ABHD17B: variants seen among roughly 807,000 people sequenced by gnomAD.
ABHD17B encodes abhydrolase domain containing 17B, depalmitoylase, also known as alpha/beta hydrolase domain-containing protein 17B.
A neutral mutation model predicts 26.2 loss-of-function variants in ABHD17B; 9 were observed. The observed-to-expected ratio is 0.34, with a 90% CI of 0.21 to 0.60. The LOEUF (loss-of-function observed/expected upper bound fraction) is 0.60. Ranked by LOEUF, ABHD17B falls within the 20% of genes least tolerant of loss-of-function variation. ABHD17B has a pLI of 0.80. For missense variants in ABHD17B, 224 were observed against 352.1 expected, an observed-to-expected ratio of 0.64 and a Z score of 2.91; for synonymous variants, 127 against 122.3, an observed-to-expected ratio of 1.04 and a Z score of -0.25.
In ABHD17B at chr9:71,874,787, A is replaced by T. The variant is rs1224105020; in HGVS notation, c.294T>A (p.His98Gln). The stretch of plus-strand genomic sequence containing the variant: ...TTTGACCAAGATCAACAGCATTTCC[A>T]TGTGAGAAGAGTAAAGTGTATTTCG... The part of the protein sequence containing the change: ...PNAKYTLLFS[H>Q]GNAVDLGQMS... The change falls in exon 2 of 4, where the codon CAT (histidine) becomes CAA (glutamine). Residue 98 changes from histidine to glutamine, a missense_variant. Transcript: ENST00000333421. 6.2e-7 allele frequency: 1 copy of T among 1,614,126 alleles called. No homozygotes were observed. Among genetic ancestry groups the T allele is most frequent in the Non-Finnish European group, 8.5e-7 (1 of 1,180,040 alleles).
intron 1 of ABHD17B, among the ~76,000 whole-genome samples, chr9:71,905,338 G>A (rs1827253380): frequency 6.6e-6 from 1 of 151,656 alleles, no homozygotes; most frequent in Non-Finnish European, 1.5e-5. Flanking sequence ...TGCCCAGGCT[G>A]GAAGATATTT....
chr9:71,888,396 T>C (rs1417237127), intron 1 of ABHD17B, among the ~76,000 whole-genome samples: 1 of 152,234 alleles, frequency 6.6e-6, no homozygotes, highest in Admixed American at 6.5e-5. Context: ...TCAAAGTTCA[T>C]AGAAAAGCTG....
chr9:71,866,503 A>AT lies in ABHD17B; in HGVS notation c.*283dup. On this transcript the variant is annotated 3_prime_UTR_variant, in exon 4 of 4. Transcript: ENST00000333421. ...AAGCATTTGGCAATACTTTTACAGC[A>AT]TTTGATTTTATAGAATTAAAATCTC... is the stretch of plus-strand genomic sequence containing the variant. The AT allele has an allele frequency of 8.9e-7, 1 of 1,118,806 alleles. No homozygotes were observed. The allele number at this position is 1,118,806 out of a possible 1,614,324, so 69.3% of individuals were successfully genotyped here.
At chr9:71,871,405 T>C (rs1826108569) in intron 2 of ABHD17B, among the ~76,000 whole-genome samples, 1 of 152,224 alleles carries the variant, frequency 6.6e-6, no homozygotes, top group East Asian at 1.9e-4. Flanking sequence ...CTACTTCAAA[T>C]TGACTCTAAA....
chr9:71,893,194 AT>A (rs1826845506), intron 1 of ABHD17B, among the ~76,000 whole-genome samples: 1 of 152,130 alleles, frequency 6.6e-6, no homozygotes, highest in Admixed American at 6.5e-5. Flanking sequence ...TGTATGAGAG[AT>A]TTCCCCCAAT....
At chr9:71,892,259 G>A (rs541896404) in intron 1 of ABHD17B, among the ~76,000 whole-genome samples, 3 of 152,024 alleles carry the variant, frequency 2.0e-5, no homozygotes, top group East Asian at 1.9e-4. Context: ...CTGGCCAGGC[G>A]CAGTGACTCA....
chr9:71,892,394 G>A (rs1234877759), intron 1 of ABHD17B, among the ~76,000 whole-genome samples: 12 of 151,894 alleles, frequency 7.9e-5, no homozygotes, highest in Middle Eastern at 3.4e-3. Flanking sequence ...TTAGCCAGGC[G>A]TGGTGGCGGG....
At chr9:71,884,847 C>T (rs960731890) in intron 1 of ABHD17B, among the ~76,000 whole-genome samples, 4 of 151,998 alleles carry the variant, frequency 2.6e-5, no homozygotes, top group Non-Finnish European at 4.4e-5. Flanking sequence ...ATTATTAAGA[C>T]TGATTCAACT....
chr9:71,898,428 T>G (rs1827024291), intron 1 of ABHD17B, among the ~76,000 whole-genome samples: 1 of 148,252 alleles, frequency 6.7e-6, no homozygotes, highest in South Asian at 2.1e-4. Flanking sequence ...GGTTGGGAGT[T>G]CGAGACCAGC....
At chr9:71,882,382 G>A (rs912934885) in intron 1 of ABHD17B, among the ~76,000 whole-genome samples, 2 of 152,248 alleles carry the variant, frequency 1.3e-5, no homozygotes, top group Non-Finnish European at 1.5e-5. Context: ...TAGGCTGGGC[G>A]CAGCAGAGGC....
intron 2 of ABHD17B, among the ~76,000 whole-genome samples, chr9:71,871,265 T>C (rs1319056633): frequency 2.0e-5 from 3 of 152,232 alleles, no homozygotes; most frequent in Non-Finnish European, 2.9e-5. Flanking sequence ...AGGGAAACTG[T>C]CCGTGTGTTC....
intron 1 of ABHD17B, among the ~76,000 whole-genome samples, chr9:71,899,421 CT>C (rs1827066277): frequency 6.6e-6 from 1 of 152,114 alleles, no homozygotes; most frequent in Non-Finnish European, 1.5e-5. Context: ...GTAAATACTT[CT>C]TTGTGATAAG....
At chr9:71,885,106 T>C (rs529392112) in intron 1 of ABHD17B, among the ~76,000 whole-genome samples, 7 of 151,986 alleles carry the variant, frequency 4.6e-5, no homozygotes, top group Admixed American at 2.6e-4. Context: ...AAGGACCCTA[T>C]TCCAGGGAGG....
intron 1 of ABHD17B, among the ~76,000 whole-genome samples, chr9:71,892,931 A>G (rs192406657): frequency 2.6e-4 from 40 of 152,302 alleles, no homozygotes; most frequent in African/African-American, 9.6e-4. Flanking sequence ...CCACTAAACA[A>G]TAACATCATT....
chr9:71,863,109 G>A (rs1825870237), downstream of ABHD17B, among the ~76,000 whole-genome samples: 3 of 152,190 alleles, frequency 2.0e-5, no homozygotes, highest in South Asian at 6.2e-4. Context: ...GTTCATGAAA[G>A]TTCTTCTTCA....
intron 1 of ABHD17B, among the ~76,000 whole-genome samples, chr9:71,902,999 A>T (rs1203596656): frequency 6.6e-6 from 1 of 152,168 alleles, no homozygotes; most frequent in African/African-American, 2.4e-5. Flanking sequence ...AAGTAAATGA[A>T]GTTATTTCAA....
At chr9:71,888,575 A>G (rs1826679680) in intron 1 of ABHD17B, among the ~76,000 whole-genome samples, 1 of 152,178 alleles carries the variant, frequency 6.6e-6, no homozygotes, top group Non-Finnish European at 1.5e-5. Context: ...CACAAATCTC[A>G]CAAAATTTAA....
intron 1 of ABHD17B, among the ~76,000 whole-genome samples, chr9:71,908,929 G>A (rs951178797): frequency 6.6e-6 from 1 of 152,170 alleles, no homozygotes; most frequent in Non-Finnish European, 1.5e-5. Context: ...AGCGTGCCTG[G>A]AGTTGTAGAC....
intron 1 of ABHD17B, among the ~76,000 whole-genome samples, chr9:71,886,563 C>T (rs1329527319): frequency 1.3e-5 from 2 of 152,150 alleles, no homozygotes; most frequent in Admixed American, 6.5e-5. Flanking sequence ...TCTGTTGCCC[C>T]GGCTGGAGTG....
Sources: allele counts gnomAD v4.1 joint callset (sites outside exome capture counted in the v4.1 genomes callset), GRCh38; gene constraint gnomAD v4.1.1; transcripts MANE v1.5; gene names NCBI Gene and HGNC (gene_info 2026-07-23, HGNC 2026-07-21).